The following TMEM39B variants were observed in gnomAD, a reference collection of about 807,000 sequenced individuals.
TMEM39B encodes transmembrane protein 39B.
A neutral mutation model predicts 52.2 loss-of-function variants in TMEM39B; 23 were observed. That is an observed-to-expected ratio of 0.44 (90% confidence interval 0.32 to 0.62). TMEM39B has a LOEUF of 0.62. Among genes scored for constraint, TMEM39B ranks in the 20% least tolerant of loss-of-function variants. TMEM39B has a pLI of 0.06. For missense variants in TMEM39B, 547 were observed against 642.0 expected (o/e 0.85, Z 1.60); for synonymous variants, 285 against 264.0 (o/e 1.08, Z -0.77).
At chr1:32,075,205 C>A in intron 2 of TMEM39B, 128 bp downstream of exon 2, 3 of 1,315,242 alleles carry the variant, frequency 2.3e-6, no homozygotes, top group South Asian at 3.1e-5. Flanking sequence ...GAGTAAGCAG[C>A]AGAAAAGATC....
Position 32,077,312 on chromosome 1 carries a change from G to T in TMEM39B, c.584G>T (p.Cys195Phe). 3.7e-6 allele frequency: 6 copies of T among 1,614,066 alleles called. No individual in the cohort carries two copies. The highest frequency in any genetic ancestry group is 5.1e-6 in the Non-Finnish European group (6 of 1,179,998). ...TYSFLNLLFL[C>F]YPFGMYIPFL... The stretch of plus-strand genomic sequence containing the variant: ...TCCTTCCTGAACCTCCTGTTCCTCT[G>T]CTATCCGTGAGTACCCCTCACTTCA... The change falls in exon 5 of 9, where the codon TGC becomes TTC. Residue 195 changes from cysteine to phenylalanine, a missense_variant. Cys to Phe is a radical substitution (Grantham distance 205). Coordinates refer to ENST00000336294, the MANE Select transcript of TMEM39B (RefSeq NM_018056.4).
chr1:32,075,169 C>G (rs1265812435), intron 2 of TMEM39B, 92 bp downstream of exon 2: 1 of 1,458,016 alleles, frequency 6.9e-7, no homozygotes, highest in African/African-American at 1.4e-5. Flanking sequence ...ATGTGAAATC[C>G]TAGATGCCAG....
chr1:32,098,007 G>GT (rs1201825736), intron 7 of TMEM39B, among the ~76,000 whole-genome samples: 1 of 151,084 alleles, frequency 6.6e-6, no homozygotes, highest in Non-Finnish European at 1.5e-5. Flanking sequence ...TTTCTTTTTT[G>GT]TTTTTTGAGA....
chr1:32,096,465 T>A (rs1369606222), intron 7 of TMEM39B, among the ~76,000 whole-genome samples: 21 of 143,220 alleles, frequency 1.5e-4, no homozygotes, highest in Admixed American at 1.5e-3. Flanking sequence ...TTTTTTTTTT[T>A]TTTTTTTTTT....
Position 32,099,376 on chromosome 1 carries a change from T to C in TMEM39B, c.1116-1066T>C, listed in dbSNP as rs140470383. On this transcript the variant is annotated intron_variant, in intron 7 of 8. Coordinates refer to ENST00000336294, the MANE Select transcript of TMEM39B (RefSeq NM_018056.4). ...AGAAATACCTAATGTAAATGACGAG[T>C]TAATGGGTGCAGCACACCAATGTGG... Among the ~76,000 whole-genome samples the C allele has an allele frequency of 2.6e-3, 394 of 151,856 alleles. 1 individual carries two copies. Among genetic ancestry groups the C allele is most frequent in the African/African-American group, 9.3e-3 (385 of 41,374 alleles).
At chr1:32,081,894 T>C (rs1640113683) in intron 5 of TMEM39B, among the ~76,000 whole-genome samples, 1 of 152,156 alleles carries the variant, frequency 6.6e-6, no homozygotes, top group South Asian at 2.1e-4. Context: ...AAGAGGTAAT[T>C]ATCAATGTTT....
intron 7 of TMEM39B, among the ~76,000 whole-genome samples, chr1:32,097,271 C>G (rs746313768): frequency 3.3e-5 from 5 of 151,864 alleles, no homozygotes; most frequent in Admixed American, 6.6e-5. Context: ...TGTTTTCTTT[C>G]ACGAGAGGTT....
chr1:32,073,770 A>G, intron 1 of TMEM39B: 1 of 985,348 alleles, frequency 1.0e-6, no homozygotes, highest in South Asian at 4.7e-5. Flanking sequence ...TTGGGCATAC[A>G]TCCAAGCCCA....
intron 8 of TMEM39B, among the ~76,000 whole-genome samples, chr1:32,101,028 C>T (rs1487407293): frequency 6.6e-6 from 1 of 152,218 alleles, no homozygotes; most frequent in East Asian, 1.9e-4. Context: ...AAGACTCATT[C>T]TCAAAAATAA....
Position 32,082,783 on chromosome 1 carries a change from GT to G in TMEM39B, c.590+5474del, listed in dbSNP as rs1011913627. The stretch of plus-strand genomic sequence containing the variant: ...GAACTTTTTTTGTTTTTTGTTTTTT[GT>G]TTTTTTTTGAGACGGAGTCTCGCTC... On this transcript the variant is annotated intron_variant, in intron 5 of 8. Coordinates refer to ENST00000336294, the MANE Select transcript of TMEM39B (RefSeq NM_018056.4). Among the ~76,000 whole-genome samples, 9 of 141,556 alleles carry G rather than the reference GT, an allele frequency of 6.4e-5. No homozygotes were observed. In the East Asian group the frequency reaches 6.4e-4, roughly 10 times the overall value. 92.9% of individuals were successfully genotyped at this position (141,556 alleles called of 152,430 possible). A position where few individuals can be genotyped will look rare whatever the true frequency, so the allele number is the denominator to read the frequency against.
At chr1:32,090,725 C>T (rs562493591) in intron 5 of TMEM39B, among the ~76,000 whole-genome samples, 122 of 152,204 alleles carry the variant, frequency 8.0e-4, no homozygotes, top group Non-Finnish European at 1.3e-3. Context: ...CTGCAAGCTC[C>T]ACCTCCCGGG....
intron 8 of TMEM39B, among the ~76,000 whole-genome samples, chr1:32,101,100 G>T (rs766986292): frequency 2.0e-5 from 3 of 151,874 alleles, no homozygotes; most frequent in Non-Finnish European, 2.9e-5. Context: ...CAGAGGGAGA[G>T]AAGATGATAC....
At chr1:32,085,049 T>G (rs2124457937) in intron 5 of TMEM39B, among the ~76,000 whole-genome samples, 1 of 152,336 alleles carries the variant, frequency 6.6e-6, no homozygotes, top group East Asian at 1.9e-4. Context: ...GTTTATCTTT[T>G]GATTACTTGA....
At position 32,092,056 on chromosome 1, in the gene TMEM39B, T is replaced by C. The variant is rs114370388; in HGVS notation, c.927+45T>C. 1.5e-3 allele frequency: 2,359 copies of C among 1,555,648 alleles called. 34 individuals carry two copies. In the African/African-American group the frequency reaches 0.027, roughly 18 times the overall value. ...GAGGGAAAGGGACTAGCTGGGACTTTACCCTGCTGCCTGCCCGATGTGAGT... is the reference window on the plus strand; with the variant it reads ...GAGGGAAAGGGACTAGCTGGGACTTCACCCTGCTGCCTGCCCGATGTGAGT... On this transcript the variant is annotated intron_variant, in intron 6 of 8. Transcript: ENST00000336294.
In TMEM39B at chr1:32,098,499, A is replaced by G. The variant is rs368639458; in HGVS notation, c.1116-1943A>G. Among the ~76,000 whole-genome samples the G allele has an allele frequency of 8.3e-3, 1,255 of 151,996 alleles. 28 individuals carry two copies. The highest frequency in any genetic ancestry group is 0.028 in the African/African-American group (1,175 of 41,486). ...TGTAATCCCAGCACTTTGGGAGGCC[A>G]AGGCGGGCGGATCACGAGGTCAGGA... On this transcript the variant is annotated intron_variant, in intron 7 of 8. Transcript: ENST00000336294.
intron 2 of TMEM39B, 134 bp from the exon 3 acceptor site, chr1:32,075,469 C>G: frequency 1.1e-6 from 1 of 901,362 alleles, no homozygotes; most frequent in Non-Finnish European, 1.6e-6. Flanking sequence ...CTTTGTCTGA[C>G]AAGCAGGATT....
rs548294516 is a variant in TMEM39B, at chr1:32,092,104, T to C, written c.927+93T>C. 5 of 1,160,464 alleles carry C rather than the reference T, an allele frequency of 4.3e-6. No individual in the cohort carries two copies. In the South Asian group the frequency reaches 7.5e-5, roughly 17 times the overall value. The allele number at this position is 1,160,464 out of a possible 1,614,324, so 71.9% of individuals were successfully genotyped here. On this transcript the variant is annotated intron_variant, in intron 6 of 8. Transcript: ENST00000336294. ...AGTTCTCCTGCTGGCCTAACTATGC[T>C]GTTTTTGATGTGATTTCCCATCTCT...
At chr1:32,096,551 C>T (rs1312058468) in intron 7 of TMEM39B, among the ~76,000 whole-genome samples, 1 of 150,146 alleles carries the variant, frequency 6.7e-6, no homozygotes, top group Non-Finnish European at 1.5e-5. Flanking sequence ...TCTCCACCTC[C>T]TGGATTCAAG....
At chr1:32,083,264 G>A (rs1279421799) in intron 5 of TMEM39B, among the ~76,000 whole-genome samples, 3 of 148,024 alleles carry the variant, frequency 2.0e-5, no homozygotes, top group Non-Finnish European at 4.5e-5. Context: ...TGTATTTTCC[G>A]TAGAGATGGG....
Sources: allele counts gnomAD v4.1 joint callset (sites outside exome capture counted in the v4.1 genomes callset), GRCh38; gene constraint gnomAD v4.1.1; transcripts MANE v1.5; gene names NCBI Gene and HGNC (gene_info 2026-07-23, HGNC 2026-07-21).